Variants in SCAPER observed in about 807,000 individuals in gnomAD.
SCAPER encodes the protein S-phase cyclin A associated protein in the ER.
In SCAPER, 98 loss-of-function variants were observed where a neutral mutation model predicts 182.2. The ratio of observed to expected loss-of-function variants is 0.54; its 90% CI spans 0.46 to 0.64. The LOEUF (loss-of-function observed/expected upper bound fraction) is 0.64. Ranked by LOEUF, SCAPER falls within the 30% of genes least tolerant of loss-of-function variation. The pLI is 0.00. For synonymous variants in SCAPER, 605 were observed against 564.6 expected (o/e 1.07, Z -1.01); for missense variants, 1,432 against 1,690.0 (o/e 0.85, Z 2.68).
intron 10 of SCAPER, among the ~76,000 whole-genome samples, chr15:76,771,416 T>C (rs935443309): frequency 2.0e-5 from 3 of 152,084 alleles, no homozygotes; most frequent in Non-Finnish European, 2.9e-5. Context: ...TTCCCATCTA[T>C]CAGAATGCTA....
intron 27 of SCAPER, among the ~76,000 whole-genome samples, chr15:76,389,991 C>CTGT (rs1438125359): frequency 6.6e-6 from 1 of 151,682 alleles, no homozygotes; most frequent in Admixed American, 6.6e-5. Flanking sequence ...GGGTCTTGCT[C>CTGT]TGTTGCCCAG....
chr15:76,445,402 T>C (rs1161064567), intron 25 of SCAPER, among the ~76,000 whole-genome samples: 2 of 152,236 alleles, frequency 1.3e-5, no homozygotes, highest in Admixed American at 6.5e-5. Context: ...TTTTAAATTA[T>C]ATTCTGGAAA....
At chr15:76,883,928 A>G in intron 1 of SCAPER, 52 bp from the exon 2 acceptor site, 1 of 845,486 alleles carries the variant, frequency 1.2e-6, no homozygotes, top group Non-Finnish European at 1.8e-6. Context: ...AGAAAACCAT[A>G]ATTATTCATA....
rs369919523 is a variant in SCAPER, at chr15:76,795,411, C to T, written c.641G>A (p.Arg214His). Residue 214 changes from arginine to histidine, a missense_variant, in exon 8 of 32, where the codon CGT (arginine) becomes CAT (histidine). Physicochemically the swap from Arg to His is conservative, Grantham distance 29 (BLOSUM62 0). This residue lies in a region of SCAPER where 480 missense variants were observed against 510.2 expected (regional missense o/e 0.94). Coordinates refer to ENST00000563290, the MANE Select transcript of SCAPER (RefSeq NM_020843.4). Reference sequence around the variant, plus strand: ...CCAACTGACACCTGTGGGAGCCAGACGAGGAGCTGGCACTGTGCCAGTTGA... The same window carrying T: ...CCAACTGACACCTGTGGGAGCCAGATGAGGAGCTGGCACTGTGCCAGTTGA... ...GGSTGTVPAP[R>H]LAPTGVSWAD... 1.6e-5 allele frequency: 26 copies of T among 1,606,428 alleles called. No homozygotes were observed. Among genetic ancestry groups the T allele is most frequent in the Middle Eastern group, 1.7e-4 (1 of 6,006 alleles).
chr15:76,498,064 T>C (rs1367929952), intron 24 of SCAPER, among the ~76,000 whole-genome samples: 2 of 139,116 alleles, frequency 1.4e-5, no homozygotes, highest in South Asian at 2.3e-4. Context: ...AGTTGACAGA[T>C]ATTGGCGTAT....
At chr15:76,825,390 A>G (rs999309875) in intron 5 of SCAPER, among the ~76,000 whole-genome samples, 1 of 152,212 alleles carries the variant, frequency 6.6e-6, no homozygotes, top group Non-Finnish European at 1.5e-5. Context: ...TACAGCCAGA[A>G]GTTACCTCTC....
At chr15:76,482,264 T>C (rs1341270340) in intron 24 of SCAPER, among the ~76,000 whole-genome samples, 2 of 152,210 alleles carry the variant, frequency 1.3e-5, no homozygotes, top group African/African-American at 4.8e-5. Context: ...TAGCTCCACA[T>C]AAATGTTTGA....
At chr15:76,672,714 C>A (rs1317489856) in intron 20 of SCAPER, among the ~76,000 whole-genome samples, 3 of 151,828 alleles carry the variant, frequency 2.0e-5, no homozygotes, top group Non-Finnish European at 4.4e-5. Context: ...AGATGAGATC[C>A]AGATAATAGG....
At chr15:76,800,965 C>G (rs1258476660) in intron 6 of SCAPER, among the ~76,000 whole-genome samples, 1 of 152,214 alleles carries the variant, frequency 6.6e-6, no homozygotes, top group Non-Finnish European at 1.5e-5. Context: ...AACATGCCCT[C>G]AATCAGATCC....
At chr15:76,862,953 C>T (rs1186987264) in intron 2 of SCAPER, among the ~76,000 whole-genome samples, 3 of 152,068 alleles carry the variant, frequency 2.0e-5, no homozygotes, top group Non-Finnish European at 4.4e-5. Flanking sequence ...CTAGAGATTG[C>T]GCTAAAGTAA....
At chr15:76,735,496 G>C (rs1354577602) in intron 15 of SCAPER, among the ~76,000 whole-genome samples, 1 of 151,856 alleles carries the variant, frequency 6.6e-6, no homozygotes, top group Non-Finnish European at 1.5e-5. Flanking sequence ...TCAGGAGTTT[G>C]AGACCAGCCT....
intron 17 of SCAPER, among the ~76,000 whole-genome samples, chr15:76,719,762 C>T (rs574799459): frequency 3.3e-5 from 5 of 151,902 alleles, no homozygotes; most frequent in Non-Finnish European, 5.9e-5. Flanking sequence ...AAGATGCCCA[C>T]TAACGAAACA....
intron 21 of SCAPER, among the ~76,000 whole-genome samples, chr15:76,652,273 A>AAAAAAATAT (rs1207156993): frequency 7.8e-5 from 1 of 12,870 alleles, no homozygotes; most frequent in Non-Finnish European, 1.3e-4. Flanking sequence ...AAAAAAAAAA[A>AAAAAAATAT]ATATATATAT....
At chr15:76,797,572 G>A (rs2065420473) in intron 7 of SCAPER, 1 of 152,132 alleles carries the variant, frequency 6.6e-6, no homozygotes, top group South Asian at 2.1e-4. Flanking sequence ...AAGAAAGGAG[G>A]AACTGACAAG....
chr15:76,691,741 T>G (rs141609307), intron 20 of SCAPER, among the ~76,000 whole-genome samples: 3 of 152,086 alleles, frequency 2.0e-5, no homozygotes, highest in East Asian at 1.9e-4. Context: ...ACAAAGAAAT[T>G]TGTTCTATTG....
At chr15:76,866,688 A>G (rs997147563) in intron 2 of SCAPER, among the ~76,000 whole-genome samples, 5 of 152,176 alleles carry the variant, frequency 3.3e-5, no homozygotes, top group Admixed American at 6.5e-5. Context: ...CATAAATTCT[A>G]ATGATTTTTA....
intron 25 of SCAPER, among the ~76,000 whole-genome samples, chr15:76,435,539 C>T (rs760107792): frequency 6.6e-6 from 1 of 152,154 alleles, no homozygotes; most frequent in African/African-American, 2.4e-5. Context: ...AGACTGGTAG[C>T]TCTCTAGGCC....
At chr15:76,856,062 C>CAT (rs2071335203) in intron 4 of SCAPER, among the ~76,000 whole-genome samples, 2 of 152,124 alleles carry the variant, frequency 1.3e-5, no homozygotes, top group Admixed American at 6.5e-5. Flanking sequence ...AAATTTGGTA[C>CAT]ATATATATGA....
intron 5 of SCAPER, among the ~76,000 whole-genome samples, chr15:76,816,304 C>T (rs1418247189): frequency 6.6e-6 from 1 of 152,156 alleles, no homozygotes; most frequent in African/African-American, 2.4e-5. Context: ...ACACATTGTA[C>T]AATTGTACAA....
Sources: gnomAD v4.1 joint callset for allele counts (sites outside exome capture counted in the v4.1 genomes callset) on GRCh38, gnomAD v4.1.1 for gene constraint, gnomAD v4.1.1 regional missense constraint, MANE v1.5 for transcripts, NCBI Gene and HGNC (gene_info 2026-07-23, HGNC 2026-07-21) for gene names.